The following ARHGAP8 variants were observed in gnomAD, a reference collection of about 807,000 sequenced individuals.
ARHGAP8 encodes the protein rho GTPase-activating protein 8.
ARHGAP8 carries 62 observed loss-of-function variants against 46.1 expected under a neutral mutation model. The ratio of observed to expected loss-of-function variants is 1.34; its 90% CI spans 1.10 to 1.66. The LOEUF is 1.66. Ranked by LOEUF, ARHGAP8 falls within the 40% of genes most tolerant of loss-of-function variation. ARHGAP8 has a pLI of 0.00. For missense variants in ARHGAP8, 923 were observed against 568.4 expected (o/e 1.62, Z -6.34); for synonymous variants, 375 against 243.1 (o/e 1.54, Z -5.05).
At position 44,854,056 on chromosome 22, in the gene ARHGAP8, A is replaced by T. The variant is rs1013385812; in HGVS notation, c.877+4996A>T. 2.9e-5 allele frequency among the ~76,000 whole-genome samples: 4 copies of T among 136,942 alleles called. 1 individual carries two copies. The highest frequency in any genetic ancestry group is 4.7e-5 in the Non-Finnish European group (3 of 63,734). 89.8% of individuals were successfully genotyped at this position (136,942 alleles called of 152,430 possible). A position where few individuals can be genotyped will look rare whatever the true frequency, so the allele number is the denominator to read the frequency against. ...AAAAAAAAAAAAAAAAAAAAAAAAA[A>T]AAAAAACCATCAGACTTTGCCTGCA... is the stretch of plus-strand genomic sequence containing the variant. On this transcript the variant is annotated intron_variant, in intron 10 of 11. Coordinates refer to ENST00000356099, the MANE Select transcript of ARHGAP8 (RefSeq NM_181335.3).
intron 7 of ARHGAP8, among the ~76,000 whole-genome samples, chr22:44,841,199 C>T (rs1376516352): frequency 4.0e-5 from 6 of 151,708 alleles, no homozygotes; most frequent in Non-Finnish European, 8.8e-5. Context: ...TTCAGGTACG[C>T]GTCATGGCCA....
At chr22:44,774,768 C>G (rs1398990995) in intron 1 of ARHGAP8, among the ~76,000 whole-genome samples, 2 of 149,488 alleles carry the variant, frequency 1.3e-5, no homozygotes, top group Non-Finnish European at 3.0e-5. Context: ...GTGCTCCACC[C>G]ACCTCAGCCT....
intron 1 of ARHGAP8, among the ~76,000 whole-genome samples, chr22:44,777,537 G>A (rs1425063779): frequency 6.6e-6 from 1 of 151,910 alleles, no homozygotes; most frequent in African/African-American, 2.4e-5. Context: ...TCACTCTGTT[G>A]GGCCTGAAGT....
At chr22:44,780,492 A>T in intron 1 of ARHGAP8, among the ~76,000 whole-genome samples, 1 of 152,080 alleles carries the variant, frequency 6.6e-6, no homozygotes, top group East Asian at 1.9e-4. Flanking sequence ...GAAAACCCAT[A>T]TCTATTAAAA....
At position 44,852,146 on chromosome 22, in the gene ARHGAP8, C is replaced by T. The variant is rs148161607; in HGVS notation, c.877+3086C>T. Among the ~76,000 whole-genome samples, 541 of 127,664 alleles carry T rather than the reference C, an allele frequency of 4.2e-3. 5 individuals carry two copies. The highest frequency in any genetic ancestry group is 0.015 in the African/African-American group (506 of 33,732). The allele number at this position is 127,664 out of a possible 152,430, so 83.8% of individuals were successfully genotyped here. A position where few individuals can be genotyped will look rare whatever the true frequency, so the allele number is the denominator to read the frequency against. On this transcript the variant is annotated intron_variant, in intron 10 of 11. Transcript: ENST00000356099. ...GGCAGAGGTTGTAGTGAGCCGAGAT[C>T]GCACTGCTGCACTCCAGCCTGGGCG...
chr22:44,837,142 C>T (rs1242231050), intron 7 of ARHGAP8, among the ~76,000 whole-genome samples: 1 of 152,222 alleles, frequency 6.6e-6, no homozygotes, highest in South Asian at 2.1e-4. Flanking sequence ...ACCTTGGCCT[C>T]CCAAAGTGCT....
chr22:44,841,312 C>G (rs1387855003), intron 7 of ARHGAP8, among the ~76,000 whole-genome samples: 6 of 152,174 alleles, frequency 3.9e-5, no homozygotes, highest in African/African-American at 1.4e-4. Flanking sequence ...ACATAGACTG[C>G]ATGTTTTCTG....
intron 1 of ARHGAP8, among the ~76,000 whole-genome samples, chr22:44,769,722 G>A (rs921877386): frequency 6.6e-6 from 1 of 152,086 alleles, no homozygotes; most frequent in African/African-American, 2.4e-5. Flanking sequence ...TATTGTAATT[G>A]TCTGATGGAT....
At chr22:44,814,855 C>T in intron 5 of ARHGAP8, 97 bp downstream of exon 5, 3 of 1,413,310 alleles carry the variant, frequency 2.1e-6, no homozygotes, top group Non-Finnish European at 1.9e-6. Context: ...CATGGAGGGC[C>T]CGTCTCCAGG....
At chr22:44,762,677 G>A (rs867698744) in intron 1 of ARHGAP8, among the ~76,000 whole-genome samples, 3 of 151,570 alleles carry the variant, frequency 2.0e-5, no homozygotes, top group Non-Finnish European at 4.4e-5. Context: ...CTGAGTAGCT[G>A]GGATTACAGG....
intron 1 of ARHGAP8, among the ~76,000 whole-genome samples, chr22:44,784,025 C>T (rs572799322): frequency 2.3e-4 from 35 of 152,224 alleles, no homozygotes; most frequent in African/African-American, 6.5e-4. Context: ...AAAAATACTT[C>T]ATAACATAAT....
At chr22:44,839,728 G>A (rs1489019371) in intron 7 of ARHGAP8, among the ~76,000 whole-genome samples, 1 of 152,210 alleles carries the variant, frequency 6.6e-6, no homozygotes, top group Non-Finnish European at 1.5e-5. Context: ...TTCACACTCA[G>A]CCCGGTGGGT....
At chr22:44,753,347 G>A (rs1189440559) in intron 1 of ARHGAP8, among the ~76,000 whole-genome samples, 1 of 151,664 alleles carries the variant, frequency 6.6e-6, no homozygotes, top group Non-Finnish European at 1.5e-5. Context: ...TCAGCCTCCC[G>A]AGTAGCTGGG....
At chr22:44,779,147 T>C (rs1926643175) in intron 1 of ARHGAP8, among the ~76,000 whole-genome samples, 1 of 148,514 alleles carries the variant, frequency 6.7e-6, no homozygotes, top group South Asian at 2.2e-4. Context: ...TCACCCAGGC[T>C]GGAGTGCAGT....
At chr22:44,816,057 G>T (rs1929718605) in intron 5 of ARHGAP8, among the ~76,000 whole-genome samples, 1 of 152,116 alleles carries the variant, frequency 6.6e-6, no homozygotes, top group Admixed American at 6.5e-5. Flanking sequence ...AGCCTCTGGG[G>T]ACAGGGAGGC....
intron 7 of ARHGAP8, among the ~76,000 whole-genome samples, chr22:44,828,663 G>C (rs144686653): frequency 0.042 from 6,408 of 151,902 alleles, 188 homozygotes; most frequent in Middle Eastern, 0.17. Flanking sequence ...ATGTTGGCCA[G>C]GCTGGTCTTG....
At chr22:44,830,739 A>G (rs1032797274) in intron 7 of ARHGAP8, among the ~76,000 whole-genome samples, 5 of 151,330 alleles carry the variant, frequency 3.3e-5, no homozygotes, top group African/African-American at 7.3e-5. Context: ...AGGTTTCACC[A>G]TGTTGGCCAG....
intron 10 of ARHGAP8, among the ~76,000 whole-genome samples, chr22:44,856,254 C>CTTTTTTTTTTTT (rs557242169): frequency 3.5e-5 from 3 of 86,882 alleles, no homozygotes; most frequent in African/African-American, 4.9e-5. Flanking sequence ...TATAAATTCC[C>CTTTTTTTTTTTT]TTTTTTTTTT....
At chr22:44,862,012 G>A (rs950127214) in intron 11 of ARHGAP8, among the ~76,000 whole-genome samples, 1 of 152,212 alleles carries the variant, frequency 6.6e-6, no homozygotes, top group Non-Finnish European at 1.5e-5. Context: ...TGGAAGAGGA[G>A]ATAGTGGGGG....
Sources: allele counts gnomAD v4.1 joint callset (sites outside exome capture counted in the v4.1 genomes callset), GRCh38; gene constraint gnomAD v4.1.1; transcripts MANE v1.5; gene names NCBI Gene and HGNC (gene_info 2026-07-23, HGNC 2026-07-21).